Variants in DAAM1 observed in about 807,000 individuals in gnomAD.
The protein encoded by DAAM1 is dishevelled associated activator of morphogenesis 1.
Under a neutral mutation model 130.0 loss-of-function variants are expected in DAAM1, and 52 were observed. That is an observed-to-expected ratio of 0.40 (90% confidence interval 0.32 to 0.50). DAAM1 has a LOEUF of 0.50. DAAM1 is among the 20% of genes least tolerant of loss of function. DAAM1 has a pLI of 0.61. For missense variants in DAAM1, 1,134 were observed against 1,303.8 expected, an observed-to-expected ratio of 0.87 and a Z score of 2.01; for synonymous variants, 452 against 444.5, an observed-to-expected ratio of 1.02 and a Z score of -0.21.
At chr14:59,356,737 C>T (rs1018560809) in intron 20 of DAAM1, among the ~76,000 whole-genome samples, 6 of 152,224 alleles carry the variant, frequency 3.9e-5, no homozygotes, top group Non-Finnish European at 8.8e-5. Flanking sequence ...CACCCATCCC[C>T]AATACTTACC....
intron 17 of DAAM1, among the ~76,000 whole-genome samples, chr14:59,351,252 C>T (rs1362846578): frequency 1.3e-5 from 2 of 152,172 alleles, no homozygotes; most frequent in Non-Finnish European, 2.9e-5. Flanking sequence ...ATCCAGGCCA[C>T]CATCATCTCT....
intron 18 of DAAM1, among the ~76,000 whole-genome samples, chr14:59,353,145 A>G (rs577148427): frequency 7.9e-5 from 12 of 152,322 alleles, no homozygotes; most frequent in African/African-American, 2.9e-4. Context: ...AGCCTTGGCA[A>G]GCTCTCTGAA....
intron 1 of DAAM1, among the ~76,000 whole-genome samples, chr14:59,230,075 C>T (rs1032973270): frequency 3.3e-5 from 5 of 152,208 alleles, no homozygotes; most frequent in African/African-American, 1.2e-4. Flanking sequence ...TGAATTTCAG[C>T]TGTGATGTAG....
intron 1 of DAAM1, among the ~76,000 whole-genome samples, chr14:59,202,255 C>G (rs906894245): frequency 6.6e-6 from 1 of 152,190 alleles, no homozygotes. Flanking sequence ...TCAAGTTTCC[C>G]TCAGTCTGTT....
At chr14:59,306,082 GT>G (rs11458250) in intron 3 of DAAM1, among the ~76,000 whole-genome samples, 1 of 149,952 alleles carries the variant, frequency 6.7e-6, no homozygotes, top group Non-Finnish European at 1.5e-5. Flanking sequence ...CTTGACTGTT[GT>G]TTTTTTTTTA....
chr14:59,318,361 C>A (rs1884872499), intron 4 of DAAM1, among the ~76,000 whole-genome samples: 1 of 151,640 alleles, frequency 6.6e-6, no homozygotes, highest in Non-Finnish European at 1.5e-5. Flanking sequence ...CCAATGTACA[C>A]CTTAGCAGCT....
At chr14:59,278,491 T>G (rs962185428) in intron 2 of DAAM1, among the ~76,000 whole-genome samples, 2 of 152,236 alleles carry the variant, frequency 1.3e-5, no homozygotes, top group African/African-American at 2.4e-5. Flanking sequence ...TCTTTTAGAA[T>G]TCTTAATTTA....
chr14:59,332,894 T>C (rs1003988177), intron 15 of DAAM1, among the ~76,000 whole-genome samples: 1 of 152,070 alleles, frequency 6.6e-6, no homozygotes, highest in Non-Finnish European at 1.5e-5. Context: ...GGGGCTTTCC[T>C]TGGGCTTTAC....
intron 3 of DAAM1, among the ~76,000 whole-genome samples, chr14:59,308,637 G>A (rs1184857634): frequency 1.3e-5 from 2 of 152,188 alleles, no homozygotes; most frequent in African/African-American, 4.8e-5. Flanking sequence ...AGGAAACTCA[G>A]CCCAGGTTGT....
chr14:59,369,068 G>A lies in DAAM1; in HGVS notation c.*209G>A. 1 of 512,718 alleles carries A rather than the reference G, an allele frequency of 2.0e-6. No homozygotes were observed. Among genetic ancestry groups the A allele is most frequent in the Non-Finnish European group, 3.4e-6 (1 of 291,066 alleles). The allele number at this position is 512,718 out of a possible 1,614,324, so 31.8% of individuals were successfully genotyped here. A position where few individuals can be genotyped will look rare whatever the true frequency, so the allele number is the denominator to read the frequency against. On this transcript the variant is annotated 3_prime_UTR_variant, in exon 25 of 25. Coordinates refer to ENST00000360909, the MANE Select transcript of DAAM1 (RefSeq NM_001270520.2). ...GTGTTGTCTGGAGACCTATACGTATGGTTAAAAAGATTTATGTTAATGTAT... is the reference window on the plus strand; with the variant it reads ...GTGTTGTCTGGAGACCTATACGTATAGTTAAAAAGATTTATGTTAATGTAT...
intron 1 of DAAM1, among the ~76,000 whole-genome samples, chr14:59,259,769 G>A (rs906316652): frequency 1.4e-4 from 21 of 152,344 alleles, no homozygotes; most frequent in African/African-American, 5.1e-4. Flanking sequence ...ATTAGGCCGG[G>A]CGTGGTGGCT....
intron 1 of DAAM1, among the ~76,000 whole-genome samples, chr14:59,232,637 T>C (rs1274387504): frequency 1.3e-5 from 2 of 151,966 alleles, no homozygotes; most frequent in East Asian, 3.9e-4. Flanking sequence ...TTTTCTCTTT[T>C]TTTTTTTCTT....
chr14:59,344,477 A>G (rs1885988458), intron 16 of DAAM1, among the ~76,000 whole-genome samples: 1 of 152,232 alleles, frequency 6.6e-6, no homozygotes, highest in Admixed American at 6.5e-5. Flanking sequence ...AATTAATTAC[A>G]GAGATTAGAG....
rs1387661516 is a variant in DAAM1, at chr14:59,353,955, A to G, written c.2347A>G (p.Lys783Glu). The G allele has an allele frequency of 6.2e-7, 1 of 1,613,860 alleles. No homozygotes were observed. Among genetic ancestry groups the G allele is most frequent in the Admixed American group, 1.7e-5 (1 of 60,018 alleles). ...FAERVAEVKP[K>E]VEAIRSGSEE... The stretch of plus-strand genomic sequence containing the variant: ...AGAGCGTGTGGCAGAAGTGAAACCT[A>G]AAGTGGAAGGTAAAGTCAAGCTGTC... Residue 783 changes from lysine to glutamate, a missense_variant, in exon 19 of 25, where the codon AAA becomes GAA. Around this residue, in one of 3 missense-constraint regions of DAAM1, gnomAD observed 644 missense variants for 695.9 expected, o/e 0.93. Coordinates refer to ENST00000360909, the MANE Select transcript of DAAM1 (RefSeq NM_001270520.2).
intron 17 of DAAM1, 76 bp downstream of exon 17, chr14:59,347,699 G>A (rs1028678582): frequency 1.3e-4 from 180 of 1,343,926 alleles, no homozygotes; most frequent in Non-Finnish European, 1.8e-4. Context: ...AGAACATCCG[G>A]TTGTTGCTAG....
chr14:59,355,692 G>C lies in DAAM1; in HGVS notation c.2525+359G>C, dbSNP rs538207284. Among the ~76,000 whole-genome samples, 14 of 152,140 alleles carry C rather than the reference G, an allele frequency of 9.2e-5. No homozygotes were observed. In the South Asian group the frequency reaches 2.9e-3, roughly 32 times the overall value. On this transcript the variant is annotated intron_variant, in intron 20 of 24. Transcript: ENST00000360909. ...AGAGGTCAGTCATCACAAATGCTGG[G>C]CTTGATAATTTTTCACAAATTAAAC...
chr14:59,315,794 A>G (rs1450066638), intron 4 of DAAM1, among the ~76,000 whole-genome samples: 1 of 152,068 alleles, frequency 6.6e-6, no homozygotes, highest in Non-Finnish European at 1.5e-5. Flanking sequence ...TGGCATCATG[A>G]TTTTGCAGGG....
At chr14:59,363,508 G>A (rs1886792611) in intron 22 of DAAM1, 143 bp from the exon 23 acceptor site, 2 of 1,217,144 alleles carry the variant, frequency 1.6e-6, no homozygotes, top group African/African-American at 1.5e-5. Context: ...GGGCACTAGA[G>A]TATAACAAAA....
At chr14:59,330,817 G>T in intron 13 of DAAM1, 129 bp downstream of exon 13, 1 of 955,302 alleles carries the variant, frequency 1.0e-6, no homozygotes, top group Non-Finnish European at 1.5e-6. Flanking sequence ...ATCACAATTA[G>T]GAGACTCACT....
Sources: gnomAD v4.1 joint callset for allele counts (sites outside exome capture counted in the v4.1 genomes callset) on GRCh38, gnomAD v4.1.1 for gene constraint, gnomAD v4.1.1 regional missense constraint, MANE v1.5 for transcripts, NCBI Gene and HGNC (gene_info 2026-07-23, HGNC 2026-07-21) for gene names.